The following NADK2 variants were observed in gnomAD, a reference collection of about 807,000 sequenced individuals.
The protein encoded by NADK2 is NAD kinase domain-containing protein 1, mitochondrial.
NADK2 carries 35 observed loss-of-function variants against 62.1 expected under a neutral mutation model. The ratio of observed to expected loss-of-function variants is 0.56; its 90% CI spans 0.43 to 0.75. The LOEUF is 0.75. Ranked by LOEUF, NADK2 falls within the 30% of genes least tolerant of loss-of-function variation. The pLI is 0.00. For missense variants in NADK2, 439 were observed against 561.3 expected (o/e 0.78, Z 2.20); for synonymous variants, 205 against 207.9 (o/e 0.99, Z 0.12).
At chr5:36,208,854 T>C (rs1174559714) in intron 7 of NADK2, among the ~76,000 whole-genome samples, 1 of 152,134 alleles carries the variant, frequency 6.6e-6, no homozygotes, top group African/African-American at 2.4e-5. Flanking sequence ...ATACAGGATC[T>C]AGAATCAGAA....
chr5:36,192,785 C>CA lies in NADK2; in HGVS notation c.*2358dup, dbSNP rs1746065213. On this transcript the variant is annotated 3_prime_UTR_variant, in exon 12 of 12. Coordinates refer to ENST00000381937, the MANE Select transcript of NADK2 (RefSeq NM_001085411.3). ...CAACAGGGCACAGAATAATAATACACAGCAGTGGGGAAACACTTCTGAAAC... is the reference window on the plus strand; with the variant it reads ...CAACAGGGCACAGAATAATAATACACAAGCAGTGGGGAAACACTTCTGAAAC... 6.6e-6 allele frequency: 1 copy of CA among 152,184 alleles called. No homozygotes were observed. Among genetic ancestry groups the CA allele is most frequent in the African/African-American group, 2.4e-5 (1 of 41,442 alleles). The allele number at this position is 152,184 out of a possible 1,614,324, so 9.4% of individuals were successfully genotyped here.
Position 36,205,004 on chromosome 5 carries a change from A to C in NADK2, c.956+2166T>G, listed in dbSNP as rs6893107. On this transcript the variant is annotated intron_variant, in intron 8 of 11. Transcript: ENST00000381937. The surrounding 1 kb of genome is among the most constrained non-coding windows in gnomAD (Gnocchi z 4.1). ...GAAATAAAACTCTAAATTAAACTAT[A>C]CAAATTTAAAAGTTTGATAAGCATT... Among the ~76,000 whole-genome samples the C allele has an allele frequency of 0.92, 140,453 of 151,864 alleles. 65,445 individuals carry two copies. The highest frequency in any genetic ancestry group is 0.98 in the Non-Finnish European group (66,894 of 67,922).
rs186374864 is a variant in NADK2 at position 36,238,930 on chromosome 5, A to G, written c.300+2569T>C. On this transcript the variant is annotated intron_variant, in intron 1 of 11. Transcript: ENST00000381937. ...TAAAAAATATTTCCTGTAATTGTTT[A>G]CATTTCTACAAAGTTAGAAAATCAT... is the stretch of plus-strand genomic sequence containing the variant. 6.6e-5 allele frequency among the ~76,000 whole-genome samples: 10 copies of G among 152,334 alleles called. No individual in the cohort carries two copies. In the East Asian group the frequency reaches 1.9e-3, roughly 29 times the overall value.
At chr5:36,235,106 T>C (rs1047617861) in intron 1 of NADK2, among the ~76,000 whole-genome samples, 1 of 152,198 alleles carries the variant, frequency 6.6e-6, no homozygotes, top group African/African-American at 2.4e-5. Flanking sequence ...ACTTCCTGGA[T>C]ATTGCCAATA....
chr5:36,201,072 AG>A lies in NADK2; in HGVS notation c.1012+33del, dbSNP rs1267233533. On this transcript the variant is annotated intron_variant, in intron 9 of 11. Transcript: ENST00000381937. ...CTGGAACTTGTCCCCTGCGGATAAG[AG>A]GGGACTACTCCAATAGCTGTTTTGG... The A allele has an allele frequency of 2.5e-6, 4 of 1,593,866 alleles. No homozygotes were observed. In the Admixed American group the frequency reaches 5.0e-5, roughly 20 times the overall value.
At chr5:36,218,531 T>C (rs1412384928) in intron 5 of NADK2, among the ~76,000 whole-genome samples, 1 of 152,188 alleles carries the variant, frequency 6.6e-6, no homozygotes, top group Non-Finnish European at 1.5e-5. Flanking sequence ...CCATTTCTTG[T>C]CAAACTTCTG....
At chr5:36,201,209 C>A (rs16902812) in intron 8 of NADK2, 48 bp from the exon 9 acceptor site, 13 of 1,504,646 alleles carry the variant, frequency 8.6e-6, no homozygotes, top group Middle Eastern at 1.7e-4. Flanking sequence ...TAAAAACATG[C>A]TAAAAATCAA....
chr5:36,197,581 T>C lies in NADK2; in HGVS notation c.1150A>G (p.Arg384Gly). 9 of 1,612,418 alleles carry C rather than the reference T, an allele frequency of 5.6e-6. No homozygotes were observed. Among genetic ancestry groups the C allele is most frequent in the Non-Finnish European group, 7.6e-6 (9 of 1,178,990 alleles). ...CGCTGACGACTGCTTGAGAAAACTC[T>C]ATTTGCTATTGGTTCTCGAATACTG... The part of the protein sequence containing the change: ...LFSIREPIAN[R>G]VFSSSRQRCF... The change falls in exon 11 of 12, where the codon AGA becomes GGA. Residue 384 changes from arginine (R) to glycine (G), a missense_variant. Transcript: ENST00000381937.
intron 4 of NADK2, among the ~76,000 whole-genome samples, chr5:36,222,249 T>A (rs1166945018): frequency 6.9e-6 from 1 of 144,302 alleles, no homozygotes; most frequent in Non-Finnish European, 1.5e-5. Flanking sequence ...TACAAAGGCA[T>A]GGGTGGGTGG....
chr5:36,199,908 A>G (rs538689272), intron 10 of NADK2, among the ~76,000 whole-genome samples: 1 of 152,184 alleles, frequency 6.6e-6, no homozygotes, highest in Non-Finnish European at 1.5e-5. Context: ...TCTCATTCAG[A>G]GGATATTAAT....
chr5:36,202,653 T>G lies in NADK2; in HGVS notation c.957-1492A>C, dbSNP rs377623078. Among the ~76,000 whole-genome samples the G allele has an allele frequency of 1.7e-4, 26 of 152,232 alleles. 1 individual carries two copies. The South Asian group carries it at 5.4e-3, about 32-fold the overall frequency. ...AGTCATGTGACTGAGTTGTAGCTAATGGAATCAGAGTGGACATGATAAACA... is the reference window on the plus strand; with the variant it reads ...AGTCATGTGACTGAGTTGTAGCTAAGGGAATCAGAGTGGACATGATAAACA... On this transcript the variant is annotated intron_variant, in intron 8 of 11. Coordinates refer to ENST00000381937, the MANE Select transcript of NADK2 (RefSeq NM_001085411.3).
rs755841510 is a variant in NADK2 at position 36,241,455 on chromosome 5, C to A, written c.300+44G>T. On this transcript the variant is annotated intron_variant, in intron 1 of 11. Coordinates refer to ENST00000381937, the MANE Select transcript of NADK2 (RefSeq NM_001085411.3). This position sits in a 1 kb window ranked among gnomAD's most constrained non-coding sequence, Gnocchi z 4.9. ...GAGGGGGCGCAGCCGCCACCAGAGC[C>A]CCGGCCGAGCCCGGGAGCGAAGCGG... 5.5e-5 allele frequency: 82 copies of A among 1,494,024 alleles called. 1 individual carries two copies. In the South Asian group the frequency reaches 9.2e-4, roughly 17 times the overall value. The allele number at this position is 1,494,024 out of a possible 1,614,324, so 92.5% of individuals were successfully genotyped here.
intron 1 of NADK2, among the ~76,000 whole-genome samples, chr5:36,231,068 A>C (rs1747691155): frequency 1.3e-5 from 2 of 152,204 alleles, no homozygotes; most frequent in Non-Finnish European, 2.9e-5. Flanking sequence ...TGGAACATGT[A>C]CCCAGGAAAA....
chr5:36,210,579 G>T (rs530447755), intron 7 of NADK2, among the ~76,000 whole-genome samples: 2 of 152,070 alleles, frequency 1.3e-5, no homozygotes, highest in East Asian at 1.9e-4. Context: ...TAAAATAAGG[G>T]ATATTCTGCA....
chr5:36,212,055 A>T (rs1746869452), intron 6 of NADK2, 133 bp from the exon 7 acceptor site: 1 of 620,844 alleles, frequency 1.6e-6, no homozygotes, highest in Non-Finnish European at 2.7e-6. Flanking sequence ...TACAGTTAAC[A>T]TTTAAATTAT....
At chr5:36,211,227 G>T (rs1428664187) in intron 7 of NADK2, among the ~76,000 whole-genome samples, 1 of 152,176 alleles carries the variant, frequency 6.6e-6, no homozygotes, top group Non-Finnish European at 1.5e-5. Context: ...TTTATGTTCA[G>T]AGATTGCAGT....
In NADK2 at chr5:36,199,222, G is replaced by A. The variant is rs545039799; in HGVS notation, c.1066+1005C>T. ...ATAATAATAATAAAATTAAAAAAAA[G>A]AAAAAGATATTGCTAACTCATGTTA... On this transcript the variant is annotated intron_variant, in intron 10 of 11. Transcript: ENST00000381937. Among the ~76,000 whole-genome samples, 4 of 151,998 alleles carry A rather than the reference G, an allele frequency of 2.6e-5. No individual in the cohort carries two copies. The South Asian group carries it at 8.3e-4, about 32-fold the overall frequency.
chr5:36,220,666 CA>C (rs1747231282), intron 4 of NADK2, among the ~76,000 whole-genome samples: 1 of 152,148 alleles, frequency 6.6e-6, no homozygotes, highest in African/African-American at 2.4e-5. Flanking sequence ...TAAAAGGTAT[CA>C]ACAGTCATTT....
At chr5:36,227,323 T>C (rs1215177988) in intron 2 of NADK2, among the ~76,000 whole-genome samples, 154 bp downstream of exon 2, 3 of 152,188 alleles carry the variant, frequency 2.0e-5, no homozygotes, top group Admixed American at 6.5e-5. Context: ...AAAGATGCTA[T>C]AAAATCAGAT....
Sources: allele counts gnomAD v4.1 joint callset (sites outside exome capture counted in the v4.1 genomes callset), GRCh38; gene constraint gnomAD v4.1.1; non-coding constraint Gnocchi (gnomAD v3.1); transcripts MANE v1.5; gene names NCBI Gene and HGNC (gene_info 2026-07-23, HGNC 2026-07-21).